Variants in SYNPR observed in about 807,000 individuals in gnomAD.
SYNPR encodes the protein synaptoporin.
A neutral mutation model predicts 32.9 loss-of-function variants in SYNPR; 23 were observed. The observed-to-expected ratio is 0.70, with a 90% confidence interval of 0.50 to 0.99. The LOEUF is 0.99. SYNPR is among the 50% of genes least tolerant of loss of function. SYNPR has a pLI of 0.00. For synonymous variants in SYNPR, 146 were observed against 135.9 expected (o/e 1.07, Z -0.52); for missense variants, 318 against 349.3 (o/e 0.91, Z 0.71).
chr3:63,317,640 C>T (rs573293370), intron 2 of SYNPR, among the ~76,000 whole-genome samples: 40 of 151,974 alleles, frequency 2.6e-4, no homozygotes, highest in Non-Finnish European at 4.0e-4. Flanking sequence ...AGGTGAGTCT[C>T]CTGGAGGCAG....
intron 2 of SYNPR, among the ~76,000 whole-genome samples, chr3:63,425,215 G>A (rs2107136800): frequency 6.6e-6 from 1 of 152,264 alleles, no homozygotes; most frequent in Admixed American, 6.5e-5. Context: ...CACATTTTGG[G>A]GGGAAATGAG....
chr3:63,602,855 A>G (rs1700065761), intron 4 of SYNPR, among the ~76,000 whole-genome samples: 1 of 152,102 alleles, frequency 6.6e-6, no homozygotes, highest in Non-Finnish European at 1.5e-5. Context: ...TTAATTTTAA[A>G]ATAGTTTTGT....
chr3:63,234,753 C>T (rs1160283374), intron 1 of SYNPR, among the ~76,000 whole-genome samples: 2 of 152,174 alleles, frequency 1.3e-5, no homozygotes, highest in African/African-American at 2.4e-5. Flanking sequence ...ATGTTCTGCT[C>T]GGGGCCAGTG....
chr3:63,372,527 C>T (rs1367196905), intron 2 of SYNPR, among the ~76,000 whole-genome samples: 1 of 152,090 alleles, frequency 6.6e-6, no homozygotes, highest in African/African-American at 2.4e-5. Flanking sequence ...CAGTCTGTTT[C>T]CCCCATCCCC....
At chr3:63,518,158 C>T (rs1029873636) in intron 3 of SYNPR, among the ~76,000 whole-genome samples, 2 of 152,254 alleles carry the variant, frequency 1.3e-5, no homozygotes, top group African/African-American at 2.4e-5. Flanking sequence ...CACCTACATC[C>T]TTTCACACCA....
intron 2 of SYNPR, among the ~76,000 whole-genome samples, chr3:63,263,871 T>C (rs2086459770): frequency 6.6e-6 from 1 of 152,104 alleles, no homozygotes; most frequent in African/African-American, 2.4e-5. Flanking sequence ...CCAGATTAAA[T>C]AGGAAAAGAA....
At chr3:63,274,033 T>A (rs906941617), upstream of SYNPR, among the ~76,000 whole-genome samples, 1 of 152,212 alleles carries the variant, frequency 6.6e-6, no homozygotes, top group Admixed American at 6.5e-5. Context: ...GCTTTCATAT[T>A]CACTTACCTA....
At chr3:63,533,481 G>C (rs1251371313) in intron 3 of SYNPR, among the ~76,000 whole-genome samples, 1 of 152,120 alleles carries the variant, frequency 6.6e-6, no homozygotes, top group African/African-American at 2.4e-5. Flanking sequence ...AATTATCAGG[G>C]ATAGAGATAG....
At chr3:63,588,264 T>A (rs1292805889) in intron 4 of SYNPR, among the ~76,000 whole-genome samples, 1 of 152,042 alleles carries the variant, frequency 6.6e-6, no homozygotes. Flanking sequence ...TTTTGTTCGG[T>A]TGATGAGAAA....
chr3:63,504,573 C>T (rs1461934078), intron 3 of SYNPR, among the ~76,000 whole-genome samples: 1 of 152,100 alleles, frequency 6.6e-6, no homozygotes, highest in Non-Finnish European at 1.5e-5. Flanking sequence ...GCCCACCAAA[C>T]CTCCGTATAT....
At chr3:63,260,560 A>G (rs1331443966) in intron 2 of SYNPR, among the ~76,000 whole-genome samples, 1 of 152,240 alleles carries the variant, frequency 6.6e-6, no homozygotes, top group Non-Finnish European at 1.5e-5. Flanking sequence ...CACCTTATAC[A>G]AAAAGTAATT....
intron 2 of SYNPR, among the ~76,000 whole-genome samples, chr3:63,469,674 C>A (rs1700760455): frequency 6.6e-6 from 1 of 152,082 alleles, no homozygotes; most frequent in African/African-American, 2.4e-5. Context: ...CCTATTCAAC[C>A]CGATGGAAGT....
chr3:63,442,144 G>C (rs1406441212), intron 2 of SYNPR, among the ~76,000 whole-genome samples: 1 of 148,816 alleles, frequency 6.7e-6, no homozygotes, highest in African/African-American at 2.5e-5. Context: ...TGATGGTGGT[G>C]GCTATGATAT....
In SYNPR at chr3:63,487,603, G is replaced by C. The variant is rs1701180608; in HGVS notation, c.209+6647G>C. Reference sequence around the variant, plus strand: ...CCAGAATGGGATCTTCCCCAACCCTGCCTCTGCCTATATAAAAACATTAAA... The same window carrying C: ...CCAGAATGGGATCTTCCCCAACCCTCCCTCTGCCTATATAAAAACATTAAA... On this transcript the variant is annotated intron_variant, in intron 3 of 5. Coordinates refer to ENST00000478300, the MANE Select transcript of SYNPR (RefSeq NM_001130003.2). Among the ~76,000 whole-genome samples, 4 of 152,134 alleles carry C rather than the reference G, an allele frequency of 2.6e-5. No individual in the cohort carries two copies. The South Asian group carries it at 8.3e-4, about 32-fold the overall frequency.
intron 2 of SYNPR, among the ~76,000 whole-genome samples, chr3:63,392,213 A>C (rs2107086074): frequency 1.3e-5 from 2 of 152,346 alleles, no homozygotes; most frequent in Middle Eastern, 6.8e-3. Context: ...GTATACTCAA[A>C]GTGGAATATT....
chr3:63,559,703 GT>G (rs11376346), intron 4 of SYNPR, among the ~76,000 whole-genome samples: 214 of 144,902 alleles, frequency 1.5e-3, no homozygotes, highest in Middle Eastern at 3.7e-3. Context: ...TTGGGCAAGT[GT>G]TTTTTTTTTT....
chr3:63,506,138 T>C (rs1378269237), intron 3 of SYNPR, among the ~76,000 whole-genome samples: 1 of 151,626 alleles, frequency 6.6e-6, no homozygotes. Flanking sequence ...TCCCTTCCTC[T>C]CTTCCCTTTT....
At chr3:63,484,337 TAGG>T (rs1200188866) in intron 3 of SYNPR, among the ~76,000 whole-genome samples, 2 of 152,180 alleles carry the variant, frequency 1.3e-5, no homozygotes, top group African/African-American at 4.8e-5. Flanking sequence ...ACTTGATAAC[TAGG>T]AGGAGAGTAG....
rs373867797 is a variant in SYNPR at position 63,278,681 on chromosome 3, C to T, written c.23C>T (p.Ala8Val). Residue 8 changes from alanine to valine, a missense_variant, in exon 2 of 6, where the codon GCC becomes GTC. Ala to Val is a moderately conservative substitution (Grantham distance 64, BLOSUM62 0). Transcript: ENST00000478300. ...TCTCGCCTCATTCCCCCAAAGCTGG[C>T]CTCTGCGGGCACCTTCCGGGTGCTG... MDPVSQL[A>V]SAGTFRVLKE... 3.0e-5 allele frequency: 46 copies of T among 1,551,594 alleles called. No individual in the cohort carries two copies. In the African/African-American group the frequency reaches 5.6e-4, roughly 19 times the overall value.
Sources: gnomAD v4.1 joint callset for allele counts (sites outside exome capture counted in the v4.1 genomes callset) on GRCh38, gnomAD v4.1.1 for gene constraint, MANE v1.5 for transcripts, NCBI Gene and HGNC (gene_info 2026-07-23, HGNC 2026-07-21) for gene names.